Variants in PSME3IP1 observed in about 807,000 individuals in gnomAD.
The protein encoded by PSME3IP1 is PSME3-interacting protein.
In PSME3IP1, 13 loss-of-function variants were observed where a neutral mutation model predicts 34.1. The observed-to-expected ratio is 0.38, with a 90% CI of 0.25 to 0.61. The LOEUF (loss-of-function observed/expected upper bound fraction) is 0.61. Ranked by LOEUF, PSME3IP1 falls within the 20% of genes least tolerant of loss-of-function variation. The pLI is 0.60. For missense variants in PSME3IP1, 237 were observed against 301.4 expected (o/e 0.79, Z 1.58); for synonymous variants, 93 against 114.3 (o/e 0.81, Z 1.19).
At chr16:57,157,208 C>T (rs1163699122) in intron 6 of PSME3IP1, among the ~76,000 whole-genome samples, 1 of 151,044 alleles carries the variant, frequency 6.6e-6, no homozygotes, top group East Asian at 2.0e-4. Flanking sequence ...ACTCAGGAGG[C>T]TGAGGTAGGT....
rs573931237 is a variant in PSME3IP1 at position 57,167,311 on chromosome 16, T to C, written c.349-85A>G. The C allele has an allele frequency of 4.1e-6, 6 of 1,452,400 alleles. No individual in the cohort carries two copies. In the South Asian group the frequency reaches 4.6e-5, roughly 11 times the overall value. The allele number at this position is 1,452,400 out of a possible 1,614,324, so 90.0% of individuals were successfully genotyped here. A position where few individuals can be genotyped will look rare whatever the true frequency, so the allele number is the denominator to read the frequency against. ...AGCCCTTCGGCTGTGCGATGTAATG[T>C]CTGGCCTACTTATTTAAATAAATGC... On this transcript the variant is annotated intron_variant, in intron 4 of 6. Coordinates refer to ENST00000309137, the MANE Select transcript of PSME3IP1 (RefSeq NM_024946.4).
At position 57,153,644 on chromosome 16, in the gene PSME3IP1, A is replaced by G. The variant is rs1444739475; in HGVS notation, c.*646T>C. The G allele has an allele frequency of 6.6e-6, 1 of 152,172 alleles. No homozygotes were observed. Among genetic ancestry groups the G allele is most frequent in the Non-Finnish European group, 1.5e-5 (1 of 68,028 alleles). The allele number at this position is 152,172 out of a possible 1,614,324, so 9.4% of individuals were successfully genotyped here. On this transcript the variant is annotated 3_prime_UTR_variant, in exon 7 of 7. Transcript: ENST00000309137. ...CTTGTTAGCAGTCCCTTCCTGCATA[A>G]ATGGGGTTGGAGAGAGAGGAGAGAG... is the stretch of plus-strand genomic sequence containing the variant.
chr16:57,182,612 ATT>A (rs550199855), intron 1 of PSME3IP1, among the ~76,000 whole-genome samples: 21 of 105,226 alleles, frequency 2.0e-4, no homozygotes, highest in Admixed American at 4.6e-4. Context: ...GCCAACTAAG[ATT>A]TTTTTTTTTT....
chr16:57,159,626 C>A (rs2070987153), intron 6 of PSME3IP1, among the ~76,000 whole-genome samples: 1 of 152,100 alleles, frequency 6.6e-6, no homozygotes, highest in South Asian at 2.1e-4. Flanking sequence ...TCTTGTGGAG[C>A]CTTAATTCCT....
chr16:57,181,954 A>T (rs1423713105), intron 1 of PSME3IP1, among the ~76,000 whole-genome samples: 1 of 152,146 alleles, frequency 6.6e-6, no homozygotes, highest in Non-Finnish European at 1.5e-5. Context: ...TGGAAGCTTC[A>T]TTACTTAGAC....
At chr16:57,173,174 C>A (rs1346725209) in intron 2 of PSME3IP1, among the ~76,000 whole-genome samples, 2 of 152,182 alleles carry the variant, frequency 1.3e-5, no homozygotes, top group Admixed American at 1.3e-4. Context: ...TTGTTCAGAC[C>A]ATGGATCCAC....
intron 1 of PSME3IP1, chr16:57,181,498 G>A (rs1260832020): frequency 1.3e-5 from 2 of 152,202 alleles, no homozygotes; most frequent in African/African-American, 2.4e-5. Flanking sequence ...CAATTCTGTA[G>A]CAGACACCAA....
intron 1 of PSME3IP1, among the ~76,000 whole-genome samples, chr16:57,175,930 T>C (rs1020355466): frequency 2.6e-5 from 4 of 152,220 alleles, no homozygotes; most frequent in Non-Finnish European, 2.9e-5. Flanking sequence ...ATACTACTGT[T>C]GCTGAGGTTT....
At chr16:57,185,036 A>G (rs1274565392) in intron 1 of PSME3IP1, among the ~76,000 whole-genome samples, 1 of 152,214 alleles carries the variant, frequency 6.6e-6, no homozygotes, top group East Asian at 1.9e-4. Context: ...TGAATCGACA[A>G]ATCTTATGTC....
chr16:57,176,517 G>A (rs1477728855), intron 1 of PSME3IP1, among the ~76,000 whole-genome samples: 1 of 152,208 alleles, frequency 6.6e-6, no homozygotes, highest in Admixed American at 6.5e-5. Flanking sequence ...AGATTTGACT[G>A]TTAGGATAGT....
intron 6 of PSME3IP1, among the ~76,000 whole-genome samples, chr16:57,163,224 G>T (rs2071480916): frequency 6.6e-6 from 1 of 152,096 alleles, no homozygotes. Context: ...AGATGGAAGA[G>T]ATACGGGTAA....
chr16:57,176,005 A>T (rs1175001721), intron 1 of PSME3IP1, among the ~76,000 whole-genome samples: 1 of 152,232 alleles, frequency 6.6e-6, no homozygotes, highest in African/African-American at 2.4e-5. Context: ...CAACTGACAG[A>T]CGCTGTTGCT....
intron 1 of PSME3IP1, chr16:57,178,593 G>C (rs2073412805): frequency 1.0e-6 from 1 of 985,252 alleles, no homozygotes; most frequent in African/African-American, 1.7e-5. Flanking sequence ...GTAAGTTATA[G>C]AGATTGGTAG....
chr16:57,167,022 G>A, intron 5 of PSME3IP1, 71 bp downstream of exon 5: 1 of 1,571,512 alleles, frequency 6.4e-7, no homozygotes, highest in Non-Finnish European at 8.7e-7. Context: ...GTTGGCTCTG[G>A]CTTCCATTAC....
intron 1 of PSME3IP1, among the ~76,000 whole-genome samples, chr16:57,180,098 A>G (rs2073557438): frequency 6.6e-6 from 1 of 152,246 alleles, no homozygotes; most frequent in Non-Finnish European, 1.5e-5. Context: ...TTCTAACACC[A>G]AAGCTTAATT....
At chr16:57,179,323 C>A (rs1023789103) in intron 1 of PSME3IP1, among the ~76,000 whole-genome samples, 1 of 152,152 alleles carries the variant, frequency 6.6e-6, no homozygotes, top group Non-Finnish European at 1.5e-5. Flanking sequence ...TCCAAATTGG[C>A]ACAAATAAAG....
intron 1 of PSME3IP1, among the ~76,000 whole-genome samples, chr16:57,177,326 C>T (rs1264583065): frequency 6.6e-6 from 1 of 150,534 alleles, no homozygotes. Flanking sequence ...GGACTACAGG[C>T]ATGCACCACT....
rs142372159 is a variant in PSME3IP1, at chr16:57,163,931, T to C, written c.547+70A>G. 6.4e-4 allele frequency: 899 copies of C among 1,411,056 alleles called. 6 individuals are homozygous for C. In the African/African-American group the frequency reaches 0.011, roughly 17 times the overall value. 87.4% of individuals were successfully genotyped at this position (1,411,056 alleles called of 1,614,324 possible). ...GAAATGCATTCATTTGCAGAAGCAA[T>C]GCATTACAGCCCTTTACTGTGGTTC... On this transcript the variant is annotated intron_variant, in intron 6 of 6. Coordinates refer to ENST00000309137, the MANE Select transcript of PSME3IP1 (RefSeq NM_024946.4).
rs780390636 is a variant in PSME3IP1, at chr16:57,164,065, G to A, written c.483C>T (p.Ser161=). The part of the protein sequence containing the change: ...KLLAGAVKHK[S]SESGNSVKRL... ...TTTTCACACTGTTGCCACTCTCTGA[G>A]CTGTAACAAAACACATGGTGACTTG... Residue 161 remains serine, a splice_region_variant and synonymous_variant, in exon 6 of 7, where the codon AGC becomes AGT. Transcript: ENST00000309137. The A allele has an allele frequency of 6.2e-7, 1 of 1,613,936 alleles. No homozygotes were observed. The highest frequency in any genetic ancestry group is 8.5e-7 in the Non-Finnish European group (1 of 1,179,970).
Sources: allele counts gnomAD v4.1 joint callset (sites outside exome capture counted in the v4.1 genomes callset), GRCh38; gene constraint gnomAD v4.1.1; transcripts MANE v1.5; gene names NCBI Gene and HGNC (gene_info 2026-07-23, HGNC 2026-07-21).